Variants in UNC5D observed in about 807,000 individuals in gnomAD.
The protein encoded by UNC5D is unc-5 netrin receptor D, also known as netrin receptor UNC5D.
A neutral mutation model predicts 105.4 loss-of-function variants in UNC5D; 39 were observed. The ratio of observed to expected loss-of-function variants is 0.37; its 90% CI spans 0.29 to 0.48. The LOEUF (loss-of-function observed/expected upper bound fraction) is 0.48. Among genes scored for constraint, UNC5D ranks in the 20% least tolerant of loss-of-function variants. UNC5D has a pLI of 0.98. For missense variants in UNC5D, 991 were observed against 1,202.4 expected (o/e 0.82, Z 2.60); for synonymous variants, 452 against 450.4 (o/e 1.00, Z -0.04).
At chr8:35,685,298 A>G (rs1449659211) in intron 6 of UNC5D, among the ~76,000 whole-genome samples, 1 of 152,216 alleles carries the variant, frequency 6.6e-6, no homozygotes, top group Non-Finnish European at 1.5e-5. Flanking sequence ...TTCTGTAAAA[A>G]GAGATACTTC....
chr8:35,271,748 C>CATATAT lies in UNC5D; in HGVS notation c.103+35863_103+35864insATATAT, dbSNP rs1563268543. On this transcript the variant is annotated intron_variant, in intron 1 of 16. Transcript: ENST00000404895. Reference sequence around the variant, plus strand: ...ATACATGTATACATATATATTTATACATGTATACATGTATACATATATTTA... The same window carrying CATATAT: ...ATACATGTATACATATATATTTATACATATATATGTATACATGTATACATATATTTA... Among the ~76,000 whole-genome samples, 25 of 80,448 alleles carry CATATAT rather than the reference C, an allele frequency of 3.1e-4. 1 individual carries two copies. The highest frequency in any genetic ancestry group is 7.1e-4 in the African/African-American group (16 of 22,528). 52.8% of individuals were successfully genotyped at this position (80,448 alleles called of 152,430 possible). A position where few individuals can be genotyped will look rare whatever the true frequency, so the allele number is the denominator to read the frequency against.
intron 1 of UNC5D, among the ~76,000 whole-genome samples, chr8:35,352,897 G>A (rs1365346427): frequency 1.3e-5 from 2 of 152,172 alleles, no homozygotes; most frequent in African/African-American, 4.8e-5. Context: ...ACAGGCGTGA[G>A]CCACTGAGCC....
chr8:35,271,880 A>G (rs2128836816), intron 1 of UNC5D, among the ~76,000 whole-genome samples: 1 of 152,020 alleles, frequency 6.6e-6, no homozygotes, highest in South Asian at 2.1e-4. Context: ...ATTTGAGTAG[A>G]TATGTTTGAA....
intron 1 of UNC5D, among the ~76,000 whole-genome samples, chr8:35,513,759 T>C (rs1812933258): frequency 6.6e-6 from 1 of 152,216 alleles, no homozygotes; most frequent in Non-Finnish European, 1.5e-5. Context: ...GAGTCTTGTA[T>C]GGAGAAAGCA....
intron 7 of UNC5D, among the ~76,000 whole-genome samples, chr8:35,701,376 A>T (rs968089184): frequency 1.3e-5 from 2 of 152,282 alleles, no homozygotes; most frequent in Admixed American, 6.5e-5. Context: ...TTCTGTCCAC[A>T]TGTGCCATCT....
At chr8:35,736,827 CAG>C (rs770286245) in intron 11 of UNC5D, among the ~76,000 whole-genome samples, 3 of 152,146 alleles carry the variant, frequency 2.0e-5, no homozygotes, top group Non-Finnish European at 2.9e-5. Flanking sequence ...GGAAGAGTGA[CAG>C]GGAATGAGGC....
chr8:35,382,243 T>C (rs1585712976), intron 1 of UNC5D, among the ~76,000 whole-genome samples: 1 of 152,186 alleles, frequency 6.6e-6, no homozygotes, highest in East Asian at 1.9e-4. Flanking sequence ...CGGCTGGAGT[T>C]TGAGGTTCTG....
intron 4 of UNC5D, among the ~76,000 whole-genome samples, chr8:35,659,781 C>G (rs1824000844): frequency 6.6e-6 from 1 of 152,148 alleles, no homozygotes; most frequent in African/African-American, 2.4e-5. Context: ...TGGAACAATG[C>G]AGAACGTGTT....
At chr8:35,758,557 C>T (rs531067878) in intron 13 of UNC5D, among the ~76,000 whole-genome samples, 1 of 152,226 alleles carries the variant, frequency 6.6e-6, no homozygotes, top group African/African-American at 2.4e-5. Flanking sequence ...TTTGTTATTC[C>T]ATTTCTTATA....
intron 1 of UNC5D, among the ~76,000 whole-genome samples, chr8:35,318,394 A>G (rs1004387428): frequency 6.6e-5 from 10 of 152,090 alleles, no homozygotes; most frequent in Non-Finnish European, 1.3e-4. Context: ...TAAATACATG[A>G]ATTCCTAAGA....
chr8:35,708,278 G>A (rs891390124), intron 8 of UNC5D, among the ~76,000 whole-genome samples: 3 of 152,094 alleles, frequency 2.0e-5, no homozygotes, highest in African/African-American at 7.2e-5. Context: ...GATATCTGTT[G>A]GCAAATCATA....
At chr8:35,568,329 T>G in intron 3 of UNC5D, 88 bp downstream of exon 3, 1 of 1,483,840 alleles carries the variant, frequency 6.7e-7, no homozygotes, top group Non-Finnish European at 9.1e-7. Flanking sequence ...TGTCAGATGC[T>G]TCTACAGAAT....
At chr8:35,272,607 G>A (rs1230971709) in intron 1 of UNC5D, among the ~76,000 whole-genome samples, 1 of 152,150 alleles carries the variant, frequency 6.6e-6, no homozygotes, top group Admixed American at 6.5e-5. Context: ...GTGACTTAGA[G>A]TGAGCCAACC....
intron 3 of UNC5D, among the ~76,000 whole-genome samples, 194 bp from the exon 4 acceptor site, chr8:35,595,360 C>T (rs1015337613): frequency 1.3e-5 from 2 of 151,968 alleles, no homozygotes; most frequent in Non-Finnish European, 2.9e-5. Context: ...ACTGTTTTGT[C>T]CAGGTTATTT....
chr8:35,352,946 G>A (rs530311559), intron 1 of UNC5D, among the ~76,000 whole-genome samples: 60 of 152,166 alleles, frequency 3.9e-4, no homozygotes, highest in South Asian at 3.7e-3. Context: ...GCACCTGACC[G>A]ATATACTTTT....
chr8:35,489,977 A>G (rs1278486515), intron 1 of UNC5D, among the ~76,000 whole-genome samples: 1 of 152,240 alleles, frequency 6.6e-6, no homozygotes, highest in African/African-American at 2.4e-5. Context: ...CTTAGTAAAT[A>G]TCATCCACTA....
chr8:35,726,974 T>A (rs565586835), intron 10 of UNC5D: 1 of 182,930 alleles, frequency 5.5e-6, no homozygotes, highest in African/African-American at 2.3e-5. Context: ...ACTGACCTAA[T>A]GAACACTCCA....
intron 1 of UNC5D, among the ~76,000 whole-genome samples, chr8:35,267,082 A>G (rs1270655487): frequency 7.3e-6 from 1 of 137,246 alleles, no homozygotes; most frequent in African/African-American, 2.7e-5. Flanking sequence ...ACAGGGACTG[A>G]TTTTTTTTTT....
At chr8:35,702,481 G>T (rs1827277122) in intron 7 of UNC5D, among the ~76,000 whole-genome samples, 1 of 151,964 alleles carries the variant, frequency 6.6e-6, no homozygotes, top group Admixed American at 6.6e-5. Flanking sequence ...AAGAACCATG[G>T]CCCTAATGGA....
Sources: gnomAD v4.1 joint callset for allele counts (sites outside exome capture counted in the v4.1 genomes callset) on GRCh38, gnomAD v4.1.1 for gene constraint, MANE v1.5 for transcripts, NCBI Gene and HGNC (gene_info 2026-07-23, HGNC 2026-07-21) for gene names.